Variants in DCC observed in about 807,000 individuals in gnomAD.
The protein encoded by DCC is DCC netrin 1 receptor, also known as netrin receptor DCC.
A neutral mutation model predicts 172.5 loss-of-function variants in DCC; 58 were observed. That is an observed-to-expected ratio of 0.34 (90% confidence interval 0.27 to 0.42). DCC has a LOEUF of 0.42. Ranked by LOEUF, DCC falls within the 10% of genes least tolerant of loss-of-function variation. The probability of loss-of-function intolerance (pLI) is 1.00; values close to 1 mark genes in which losing one functional copy is unlikely to be tolerated. For synonymous variants in DCC, 709 were observed against 644.5 expected (o/e 1.10, Z -1.52); for missense variants, 1,740 against 1,791.0 (o/e 0.97, Z 0.51).
intron 2 of DCC, among the ~76,000 whole-genome samples, chr18:52,876,586 C>T (rs2039406633): frequency 6.6e-6 from 1 of 152,154 alleles, no homozygotes; most frequent in African/African-American, 2.4e-5. Flanking sequence ...ATATTATGGG[C>T]CCATAATGTT....
At chr18:53,102,913 C>T (rs529114521) in intron 7 of DCC, among the ~76,000 whole-genome samples, 22 of 152,112 alleles carry the variant, frequency 1.4e-4, no homozygotes, top group East Asian at 5.8e-4. Flanking sequence ...TGTATTTCAC[C>T]GATTGCCTGG....
At chr18:52,633,222 C>T (rs1056919193) in intron 1 of DCC, among the ~76,000 whole-genome samples, 2 of 152,028 alleles carry the variant, frequency 1.3e-5, no homozygotes, top group East Asian at 1.9e-4. Context: ...TTATTTGGGG[C>T]TCATCAGCAG....
chr18:52,465,828 C>A (rs757645107), intron 1 of DCC, among the ~76,000 whole-genome samples: 10 of 150,980 alleles, frequency 6.6e-5, no homozygotes, highest in Non-Finnish European at 1.3e-4. Context: ...ACAAGAGAAA[C>A]CTTATCTCTA....
chr18:53,325,438 T>G (rs1032462348), intron 14 of DCC, among the ~76,000 whole-genome samples: 7 of 152,136 alleles, frequency 4.6e-5, no homozygotes, highest in Non-Finnish European at 7.4e-5. Context: ...ATATCCAGAA[T>G]GAAACAGACG....
chr18:52,432,968 G>A (rs533927741), intron 1 of DCC, among the ~76,000 whole-genome samples: 1 of 152,174 alleles, frequency 6.6e-6, no homozygotes, highest in Admixed American at 6.6e-5. Flanking sequence ...CTTTCATGGG[G>A]ACATAAGCAA....
At chr18:53,486,653 T>A in intron 25 of DCC, 144 bp from the exon 26 acceptor site, 1 of 1,012,426 alleles carries the variant, frequency 9.9e-7, no homozygotes, top group Admixed American at 2.1e-5. Context: ...GTGGGATTGG[T>A]GGAGAGAGGT....
intron 1 of DCC, among the ~76,000 whole-genome samples, chr18:52,387,485 A>T (rs891340686): frequency 6.6e-6 from 1 of 152,104 alleles, no homozygotes; most frequent in African/African-American, 2.4e-5. Context: ...ATGTGTTTGG[A>T]CAGAGCTACT....
intron 1 of DCC, among the ~76,000 whole-genome samples, chr18:52,376,221 T>A (rs750177218): frequency 6.6e-6 from 1 of 152,178 alleles, no homozygotes; most frequent in Non-Finnish European, 1.5e-5. Flanking sequence ...AGGTCCTCAA[T>A]TGGAGGAACA....
chr18:52,648,585 C>G (rs1296561288), intron 1 of DCC, among the ~76,000 whole-genome samples: 1 of 152,164 alleles, frequency 6.6e-6, no homozygotes, highest in Non-Finnish European at 1.5e-5. Flanking sequence ...GACATCAGTC[C>G]TAAGACTGTT....
At chr18:52,529,600 T>A (rs1172444082) in intron 1 of DCC, among the ~76,000 whole-genome samples, 1 of 152,242 alleles carries the variant, frequency 6.6e-6, no homozygotes, top group Non-Finnish European at 1.5e-5. Flanking sequence ...AGCAGCTGTT[T>A]ACTGCAGTAA....
intron 1 of DCC, among the ~76,000 whole-genome samples, chr18:52,601,806 G>A (rs886910692): frequency 2.6e-4 from 40 of 151,900 alleles, no homozygotes; most frequent in African/African-American, 8.9e-4. Flanking sequence ...TTTTGCTTCC[G>A]TCTTATGCAG....
chr18:52,577,559 T>A (rs1432363240), intron 1 of DCC, among the ~76,000 whole-genome samples: 1 of 152,216 alleles, frequency 6.6e-6, no homozygotes, highest in Non-Finnish European at 1.5e-5. Context: ...TTGAAAACCT[T>A]TATTCCCTTC....
At chr18:53,375,530 T>C (rs915834347) in intron 15 of DCC, among the ~76,000 whole-genome samples, 2 of 152,118 alleles carry the variant, frequency 1.3e-5, no homozygotes, top group Non-Finnish European at 2.9e-5. Flanking sequence ...ATTTGTTTGC[T>C]TGAATTAACT....
intron 7 of DCC, among the ~76,000 whole-genome samples, chr18:53,075,318 A>C (rs2042709317): frequency 6.6e-6 from 1 of 152,140 alleles, no homozygotes; most frequent in South Asian, 2.1e-4. Flanking sequence ...CTTGTCATTC[A>C]CCTTGTCCTT....
intron 2 of DCC, among the ~76,000 whole-genome samples, chr18:52,828,443 C>A (rs2038552280): frequency 6.6e-6 from 1 of 151,764 alleles, no homozygotes; most frequent in South Asian, 2.1e-4. Context: ...TAGTAGGAAG[C>A]ATTTAAAGAA....
chr18:52,341,016 G>T, intron 1 of DCC, 138 bp downstream of exon 1: 2 of 740,320 alleles, frequency 2.7e-6, no homozygotes, highest in Non-Finnish European at 4.8e-6. Flanking sequence ...TTTGCGCACC[G>T]ATGATAAAAG....
chr18:52,644,703 T>C (rs2034977469), intron 1 of DCC, among the ~76,000 whole-genome samples: 1 of 150,932 alleles, frequency 6.6e-6, no homozygotes, highest in African/African-American at 2.4e-5. Flanking sequence ...TGCAGTGAGC[T>C]ATCATTGTAC....
At chr18:53,283,971 G>A (rs1359916967) in intron 12 of DCC, among the ~76,000 whole-genome samples, 1 of 152,152 alleles carries the variant, frequency 6.6e-6, no homozygotes, top group Non-Finnish European at 1.5e-5. Context: ...AAAGTACATA[G>A]GCTATGAATA....
At chr18:52,530,013 CA>C (rs1412963234) in intron 1 of DCC, among the ~76,000 whole-genome samples, 1 of 152,092 alleles carries the variant, frequency 6.6e-6, no homozygotes, top group Admixed American at 6.5e-5. Context: ...ATAGTCAAGT[CA>C]AAAACCCTCA....
Sources: allele counts gnomAD v4.1 joint callset (sites outside exome capture counted in the v4.1 genomes callset), GRCh38; gene constraint gnomAD v4.1.1; transcripts MANE v1.5; gene names NCBI Gene and HGNC (gene_info 2026-07-23, HGNC 2026-07-21).